APBA1: variants seen among roughly 807,000 people sequenced by gnomAD.
The protein encoded by APBA1 is amyloid-beta A4 precursor protein-binding family A member 1.
Under a neutral mutation model 86.6 loss-of-function variants are expected in APBA1, and 55 were observed. The observed-to-expected ratio is 0.64, with a 90% CI of 0.51 to 0.80. The LOEUF (loss-of-function observed/expected upper bound fraction) is 0.80. Ranked by LOEUF, APBA1 falls within the 30% of genes least tolerant of loss-of-function variation. The pLI is 0.00. For missense variants in APBA1, 1,090 were observed against 1,183.0 expected (o/e 0.92, Z 1.15); for synonymous variants, 511 against 493.9 (o/e 1.03, Z -0.46).
At chr9:69,550,533 C>A (rs1836767413) in intron 1 of APBA1, among the ~76,000 whole-genome samples, 1 of 152,096 alleles carries the variant, frequency 6.6e-6, no homozygotes, top group Non-Finnish European at 1.5e-5. Flanking sequence ...AGCAAATTAC[C>A]TTTAAGTCAC....
intron 1 of APBA1, among the ~76,000 whole-genome samples, chr9:69,524,406 C>T (rs1261242436): frequency 3.9e-5 from 6 of 151,904 alleles, no homozygotes; most frequent in Non-Finnish European, 1.5e-5. Context: ...GACATTATAA[C>T]CAATCACACA....
intron 1 of APBA1, among the ~76,000 whole-genome samples, chr9:69,629,271 A>C (rs1294233937): frequency 2.6e-5 from 4 of 152,228 alleles, no homozygotes. Context: ...CTCAAATTTT[A>C]ACTTCACATT....
At chr9:69,542,304 G>A (rs1359085085) in intron 1 of APBA1, among the ~76,000 whole-genome samples, 15 of 152,154 alleles carry the variant, frequency 9.9e-5, no homozygotes, top group East Asian at 7.7e-4. Flanking sequence ...TTGGGAGTTC[G>A]CGCATGATGT....
chr9:69,661,875 A>C (rs1823757935), intron 1 of APBA1, among the ~76,000 whole-genome samples: 1 of 152,088 alleles, frequency 6.6e-6, no homozygotes, highest in Admixed American at 6.5e-5. Flanking sequence ...GAGTGGAAGC[A>C]GCATGAGACC....
At chr9:69,551,939 A>G (rs1340580875) in intron 1 of APBA1, among the ~76,000 whole-genome samples, 1 of 152,134 alleles carries the variant, frequency 6.6e-6, no homozygotes, top group African/African-American at 2.4e-5. Context: ...CATGGCATCT[A>G]TGGTTTGAGA....
chr9:69,580,852 GTTCTC>G (rs1821901120), intron 1 of APBA1, among the ~76,000 whole-genome samples: 2 of 152,166 alleles, frequency 1.3e-5, no homozygotes, highest in Non-Finnish European at 1.5e-5. Context: ...TGACAGGGTT[GTTCTC>G]AAGCAGCTAA....
At chr9:69,610,406 G>A (rs145943287) in intron 1 of APBA1, among the ~76,000 whole-genome samples, 1 of 152,194 alleles carries the variant, frequency 6.6e-6, no homozygotes, top group Non-Finnish European at 1.5e-5. Context: ...AGCCCTTTCT[G>A]GTATACGAAC....
intron 1 of APBA1, among the ~76,000 whole-genome samples, chr9:69,574,761 G>A (rs988437321): frequency 1.3e-5 from 2 of 152,120 alleles, no homozygotes; most frequent in South Asian, 2.1e-4. Flanking sequence ...ACTGCTTCGT[G>A]ATAAATAATA....
intron 2 of APBA1, among the ~76,000 whole-genome samples, chr9:69,504,062 T>G (rs1489800532): frequency 1.3e-5 from 2 of 152,150 alleles, no homozygotes; most frequent in Non-Finnish European, 2.9e-5. Context: ...ATAGACTGGC[T>G]GTAAGTCTCC....
intron 1 of APBA1, among the ~76,000 whole-genome samples, chr9:69,537,060 T>TA (rs1428361215): frequency 2.0e-5 from 3 of 150,310 alleles, no homozygotes; most frequent in African/African-American, 7.3e-5. Flanking sequence ...TATATATGTA[T>TA]ATATATATAC....
intron 4 of APBA1, among the ~76,000 whole-genome samples, chr9:69,468,426 T>A (rs1436421575): frequency 9.6e-6 from 1 of 104,252 alleles, no homozygotes; most frequent in Non-Finnish European, 1.9e-5. Context: ...TCCTATTACT[T>A]GCCCCCCCCC....
At chr9:69,547,841 C>T (rs1357574192) in intron 1 of APBA1, among the ~76,000 whole-genome samples, 1 of 152,208 alleles carries the variant, frequency 6.6e-6, no homozygotes, top group Non-Finnish European at 1.5e-5. Flanking sequence ...ACACAACCAC[C>T]ACCTGGGGTT....
intron 2 of APBA1, among the ~76,000 whole-genome samples, chr9:69,512,102 AAAAAG>A (rs1021986562): frequency 7.9e-5 from 12 of 151,936 alleles, no homozygotes; most frequent in South Asian, 2.1e-4. Context: ...ATAAAAAGAA[AAAAAG>A]AAAAGAAAAG....
chr9:69,501,613 G>C (rs1835880057), intron 2 of APBA1, among the ~76,000 whole-genome samples: 1 of 148,806 alleles, frequency 6.7e-6, no homozygotes, highest in Non-Finnish European at 1.5e-5. Flanking sequence ...AACATAACAA[G>C]ACTCTGTCTC....
At chr9:69,537,154 A>G (rs1222636204) in intron 1 of APBA1, among the ~76,000 whole-genome samples, 3 of 151,722 alleles carry the variant, frequency 2.0e-5, no homozygotes, top group African/African-American at 4.8e-5. Context: ...GACCATCAAC[A>G]TATTTTTCTT....
rs1835022641 is a variant in APBA1 at position 69,452,219 on chromosome 9, TC to T, written c.1870del (p.Glu624LysfsTer22). The T allele has an allele frequency of 6.2e-7, 1 of 1,614,132 alleles. No homozygotes were observed. The highest frequency in any genetic ancestry group is 8.5e-7 in the Non-Finnish European group (1 of 1,180,058). On this transcript the variant is annotated frameshift_variant, in exon 9 of 13. Transcript: ENST00000265381. LOFTEE classifies it high-confidence loss of function. ...ACTATACTCCTTCTGGCTGAGATCTTCGGGGTTAATCCCATTGGCCCTGAGG... is the reference window on the plus strand; with the variant it reads ...ACTATACTCCTTCTGGCTGAGATCTTGGGGTTAATCCCATTGGCCCTGAGG... The part of the protein sequence containing the change: ...EFLRANGINP[E>X]DLSQKEYSDL...
At chr9:69,463,285 A>AT (rs112483278) in intron 5 of APBA1, 81,742 of 151,496 alleles carry the variant, frequency 0.54, 23,909 homozygotes, top group African/African-American at 0.78. Flanking sequence ...GTATTGGTTA[A>AT]ATTTATTCCT....
intron 4 of APBA1, among the ~76,000 whole-genome samples, chr9:69,468,403 T>C (rs1039728283): frequency 7.1e-6 from 1 of 139,956 alleles, no homozygotes; most frequent in Admixed American, 7.2e-5. Context: ...TTAGAAAAGC[T>C]TTTTACAGCA....
At chr9:69,443,841 T>C (rs1007401765) in intron 10 of APBA1, among the ~76,000 whole-genome samples, 1 of 152,182 alleles carries the variant, frequency 6.6e-6, no homozygotes, top group African/African-American at 2.4e-5. Flanking sequence ...AGGGTGTGTC[T>C]TTTGTGAATA....
Sources: allele counts gnomAD v4.1 joint callset (sites outside exome capture counted in the v4.1 genomes callset), GRCh38; gene constraint gnomAD v4.1.1; transcripts MANE v1.5; gene names NCBI Gene and HGNC (gene_info 2026-07-23, HGNC 2026-07-21).